The following DSCAM variants were observed in gnomAD, a reference collection of about 807,000 sequenced individuals.
The protein encoded by DSCAM is DS cell adhesion molecule.
Under a neutral mutation model 217.7 loss-of-function variants are expected in DSCAM, and 47 were observed. The ratio of observed to expected loss-of-function variants is 0.22; its 90% CI spans 0.17 to 0.28. DSCAM has a LOEUF of 0.28. DSCAM is among the 10% of genes least tolerant of loss of function. DSCAM has a pLI of 1.00. For missense variants in DSCAM, 2,080 were observed against 2,618.3 expected (o/e 0.79, Z 4.49); for synonymous variants, 1,056 against 1,015.3 (o/e 1.04, Z -0.76).
chr21:40,766,215 T>G (rs1035641214), intron 1 of DSCAM, among the ~76,000 whole-genome samples: 1 of 152,096 alleles, frequency 6.6e-6, no homozygotes, highest in Non-Finnish European at 1.5e-5. Flanking sequence ...TGCTACTTAT[T>G]AAAAATCATG....
chr21:40,475,313 A>G lies in DSCAM; in HGVS notation c.509-106068T>C, dbSNP rs535450882. Among the ~76,000 whole-genome samples, 129 of 152,316 alleles carry G rather than the reference A, an allele frequency of 8.5e-4. 1 individual carries two copies. Among genetic ancestry groups the G allele is most frequent in the Admixed American group, 1.3e-3 (20 of 15,308 alleles). On this transcript the variant is annotated intron_variant, in intron 3 of 32. Coordinates refer to ENST00000400454, the MANE Select transcript of DSCAM (RefSeq NM_001389.5). ...AGGACACGAGGATGGCCCATCTTCC[A>G]GGGCTGGACTCAGCCCACCTAACTG... is the stretch of plus-strand genomic sequence containing the variant.
chr21:40,103,470 ATTAAT>A (rs772457118), intron 20 of DSCAM, among the ~76,000 whole-genome samples: 23 of 152,308 alleles, frequency 1.5e-4, no homozygotes, highest in Non-Finnish European at 1.6e-4. Context: ...AGTTCACTGC[ATTAAT>A]TTAAGATTTT....
intron 3 of DSCAM, among the ~76,000 whole-genome samples, chr21:40,459,588 G>A (rs968562305): frequency 6.6e-6 from 1 of 152,148 alleles, no homozygotes; most frequent in African/African-American, 2.4e-5. Context: ...CATATGAACA[G>A]CACGTTGAAA....
chr21:40,432,097 G>C (rs2075538714), intron 3 of DSCAM, among the ~76,000 whole-genome samples: 1 of 152,072 alleles, frequency 6.6e-6, no homozygotes, highest in African/African-American at 2.4e-5. Context: ...CAGCTACTTG[G>C]GAGGCTGAGG....
At chr21:40,364,605 C>G (rs920007069) in intron 4 of DSCAM, among the ~76,000 whole-genome samples, 1 of 150,808 alleles carries the variant, frequency 6.6e-6, no homozygotes. Context: ...GTGCAGCACA[C>G]CAACATGGCA....
chr21:40,100,422 A>G (rs1601329536), intron 20 of DSCAM, among the ~76,000 whole-genome samples: 1 of 152,118 alleles, frequency 6.6e-6, no homozygotes, highest in Admixed American at 6.5e-5. Flanking sequence ...CATGGACTAT[A>G]TTTATATTTC....
At chr21:40,269,495 C>T (rs1018978198) in intron 11 of DSCAM, among the ~76,000 whole-genome samples, 2 of 152,102 alleles carry the variant, frequency 1.3e-5, no homozygotes, top group Non-Finnish European at 2.9e-5. Context: ...AACACAAGAC[C>T]GCAAAAGAGT....
At chr21:40,184,325 T>C (rs1191921831) in intron 14 of DSCAM, among the ~76,000 whole-genome samples, 1 of 152,224 alleles carries the variant, frequency 6.6e-6, no homozygotes, top group Non-Finnish European at 1.5e-5. Context: ...AGGTGCTATC[T>C]ACTCTCAGCA....
chr21:40,587,165 A>G (rs78773171), intron 3 of DSCAM, among the ~76,000 whole-genome samples: 3,909 of 152,258 alleles, frequency 0.026, 140 homozygotes, highest in East Asian at 0.098. Context: ...ATTGGAGAGG[A>G]TATGAAAAAG....
intron 11 of DSCAM, among the ~76,000 whole-genome samples, chr21:40,231,639 G>A (rs1229269562): frequency 6.7e-6 from 1 of 149,622 alleles, no homozygotes; most frequent in East Asian, 2.3e-4. Context: ...AGTAGCTGGG[G>A]TTACAGGAGC....
chr21:40,141,442 C>T (rs1293723000), intron 18 of DSCAM, among the ~76,000 whole-genome samples: 1 of 152,108 alleles, frequency 6.6e-6, no homozygotes, highest in Non-Finnish European at 1.5e-5. Flanking sequence ...TGGCGAAACC[C>T]CATCTCTACT....
intron 3 of DSCAM, among the ~76,000 whole-genome samples, chr21:40,578,638 T>G (rs1439814682): frequency 1.3e-5 from 2 of 152,212 alleles, no homozygotes; most frequent in African/African-American, 4.8e-5. Flanking sequence ...CTTTTGCTCT[T>G]CACAATAAAT....
At position 40,198,426 on chromosome 21, in the gene DSCAM, T is replaced by C. The variant is rs530141754; in HGVS notation, c.2357-9188A>G. Among the ~76,000 whole-genome samples the C allele has an allele frequency of 3.3e-5, 5 of 152,232 alleles. No homozygotes were observed. The East Asian group carries it at 7.8e-4, about 24-fold the overall frequency. On this transcript the variant is annotated intron_variant, in intron 11 of 32. Transcript: ENST00000400454. The stretch of plus-strand genomic sequence containing the variant: ...ATGCACACTCATGTGCCCCACCACA[T>C]GCCTGGATCCCCACCATCATCATAC...
chr21:40,363,782 T>G (rs1168705960), intron 4 of DSCAM, among the ~76,000 whole-genome samples: 4 of 152,304 alleles, frequency 2.6e-5, no homozygotes, highest in Middle Eastern at 3.4e-3. Flanking sequence ...TCTACTCATC[T>G]GACAAAGGGC....
chr21:40,675,775 C>G (rs2146411598), intron 3 of DSCAM, among the ~76,000 whole-genome samples: 1 of 152,338 alleles, frequency 6.6e-6, no homozygotes, highest in East Asian at 1.9e-4. Flanking sequence ...ATCCTTGTCA[C>G]CTTGAATATC....
rs918584574 is a variant in DSCAM, at chr21:40,353,485, A to T, written c.914T>A (p.Ile305Lys). Residue 305 changes from isoleucine (I) to lysine (K), a missense_variant, in exon 5 of 33, where the codon ATA becomes AAA. This residue lies in a region of DSCAM where 568 missense variants were observed against 678.1 expected (regional missense o/e 0.84). Coordinates refer to ENST00000400454, the MANE Select transcript of DSCAM (RefSeq NM_001389.5). ...CTTACGTTTCACGTACAGGCGGCCT[A>T]TCACCTTAGCAGTTCCGTATCTGTT... Reference protein sequence around the residue: ...VSNRYGTAKVIGRLYVKQPLK... With the variant: ...VSNRYGTAKVKGRLYVKQPLK... 2 of 1,607,834 alleles carry T rather than the reference A, an allele frequency of 1.2e-6. No homozygotes were observed. Among genetic ancestry groups the T allele is most frequent in the Non-Finnish European group, 1.7e-6 (2 of 1,178,290 alleles).
intron 3 of DSCAM, among the ~76,000 whole-genome samples, chr21:40,539,658 G>A (rs1002505448): frequency 6.6e-6 from 1 of 152,104 alleles, no homozygotes; most frequent in Non-Finnish European, 1.5e-5. Flanking sequence ...GACAGATCAA[G>A]AGCAAGGATG....
chr21:40,469,334 G>C (rs756123245), intron 3 of DSCAM, among the ~76,000 whole-genome samples: 1 of 152,136 alleles, frequency 6.6e-6, no homozygotes, highest in Non-Finnish European at 1.5e-5. Flanking sequence ...AAAAGACATG[G>C]GAAAGCACAG....
chr21:40,147,717 G>A (rs545701696), intron 16 of DSCAM, among the ~76,000 whole-genome samples: 67 of 152,264 alleles, frequency 4.4e-4, no homozygotes, highest in East Asian at 4.1e-3. Flanking sequence ...TTTGTAGCCT[G>A]TACAATTTAG....
Sources: gnomAD v4.1 joint callset for allele counts (sites outside exome capture counted in the v4.1 genomes callset) on GRCh38, gnomAD v4.1.1 for gene constraint, gnomAD v4.1.1 regional missense constraint, MANE v1.5 for transcripts, NCBI Gene and HGNC (gene_info 2026-07-23, HGNC 2026-07-21) for gene names.